Variants in POLD3 observed in about 807,000 individuals in gnomAD.
The protein encoded by POLD3 is DNA polymerase delta subunit 3.
A neutral mutation model predicts 58.2 loss-of-function variants in POLD3; 19 were observed. That is an observed-to-expected ratio of 0.33 (90% CI 0.23 to 0.48). The LOEUF (loss-of-function observed/expected upper bound fraction) is 0.48. Among genes scored for constraint, POLD3 ranks in the 20% least tolerant of loss-of-function variants. The pLI, the probability that POLD3 is intolerant of heterozygous loss-of-function variation, is 0.99. For synonymous variants in POLD3, 172 were observed against 193.5 expected (o/e 0.89, Z 0.92); for missense variants, 504 against 545.5 (o/e 0.92, Z 0.76).
At position 74,656,239 on chromosome 11, in the gene POLD3, T is replaced by A. The variant is rs7118314; in HGVS notation, c.370-12538T>A. ...TAGCTATAAAATTCCCTCTTAGTAC[T>A]GCTTTTGCTGTATCCCATAGGTTTT... On this transcript the variant is annotated intron_variant, in intron 4 of 4. Coordinates refer to the POLD3 transcript ENST00000524752. Among the ~76,000 whole-genome samples, 10 of 152,078 alleles carry A rather than the reference T, an allele frequency of 6.6e-5. 1 individual carries two copies. In the South Asian group the frequency reaches 8.3e-4, roughly 13 times the overall value.
chr11:74,609,475 A>G (rs2031832210), intron 3 of POLD3, among the ~76,000 whole-genome samples: 2 of 141,840 alleles, frequency 1.4e-5, no homozygotes, highest in African/African-American at 5.3e-5. Flanking sequence ...TCTGCCTCCC[A>G]GGTTTAAGCA....
downstream of POLD3, among the ~76,000 whole-genome samples, chr11:74,647,622 G>A (rs1339650680): frequency 2.6e-5 from 4 of 152,140 alleles, no homozygotes; most frequent in Non-Finnish European, 5.9e-5. Flanking sequence ...TTAAATGCTT[G>A]CTTATTTGCC....
chr11:74,656,394 C>G (rs904875529), intron 4 of POLD3, among the ~76,000 whole-genome samples: 3 of 152,262 alleles, frequency 2.0e-5, no homozygotes. Flanking sequence ...TGAGACCAGC[C>G]TGACCAAAAT....
Position 74,641,148 on chromosome 11 carries a change from T to G in POLD3, c.*382T>G, listed in dbSNP as rs527534580. ...CACAGGAATTATTCCTTCTTGTTCC[T>G]CTGTATTCTAAGAATTCATGTGGGT... is the stretch of plus-strand genomic sequence containing the variant. On this transcript the variant is annotated 3_prime_UTR_variant, in exon 12 of 12. Coordinates refer to ENST00000263681, the MANE Select transcript of POLD3 (RefSeq NM_006591.3). 1.0e-6 allele frequency: 1 copy of G among 991,526 alleles called. No homozygotes were observed. The highest frequency in any genetic ancestry group is 1.2e-6 in the Non-Finnish European group (1 of 834,136). The allele number at this position is 991,526 out of a possible 1,614,324, so 61.4% of individuals were successfully genotyped here.
intron 2 of POLD3, among the ~76,000 whole-genome samples, chr11:74,599,175 C>T (rs1179159618): frequency 6.6e-6 from 1 of 152,114 alleles, no homozygotes; most frequent in Non-Finnish European, 1.5e-5. Context: ...GCTGGGACCA[C>T]AGGTACATGC....
chr11:74,650,750 C>G (rs1416570852), intron 4 of POLD3, among the ~76,000 whole-genome samples: 2 of 152,248 alleles, frequency 1.3e-5, no homozygotes, highest in African/African-American at 4.8e-5. Flanking sequence ...CACACACTCT[C>G]TCTCTTTGGG....
intron 4 of POLD3, among the ~76,000 whole-genome samples, chr11:74,663,414 T>C (rs536646039): frequency 6.6e-6 from 1 of 152,346 alleles, no homozygotes; most frequent in African/African-American, 2.4e-5. Flanking sequence ...AAAGATGTAG[T>C]ATAAAGCAGT....
chr11:74,658,314 G>T (rs7106984), intron 4 of POLD3, among the ~76,000 whole-genome samples: 124,523 of 152,124 alleles, frequency 0.82, 51,144 homozygotes, highest in Middle Eastern at 0.94. Flanking sequence ...TACCTCCCCC[G>T]GGGTCCCTCC....
At chr11:74,636,003 C>A (rs139611880) in intron 10 of POLD3, among the ~76,000 whole-genome samples, 194 bp from the exon 11 acceptor site, 21 of 152,326 alleles carry the variant, frequency 1.4e-4, no homozygotes, top group African/African-American at 4.8e-4. Context: ...AATGAAGTAT[C>A]AAGCCTGTGT....
chr11:74,611,477 A>G (rs1323347387), intron 3 of POLD3, 22 bp from the exon 4 acceptor site: 2 of 1,458,720 alleles, frequency 1.4e-6, no homozygotes, highest in East Asian at 4.6e-5. Flanking sequence ...TTAAGCACTA[A>G]TAAAGTGTTA....
intron 4 of POLD3, among the ~76,000 whole-genome samples, chr11:74,660,875 G>A (rs1454651183): frequency 6.6e-6 from 1 of 151,624 alleles, no homozygotes; most frequent in Non-Finnish European, 1.5e-5. Flanking sequence ...GTTCTTTATA[G>A]CAATGTAAAA....
chr11:74,642,017 G>A lies in POLD3; in HGVS notation c.*1251G>A. 1 of 985,510 alleles carries A rather than the reference G, an allele frequency of 1.0e-6. No individual in the cohort carries two copies. The highest frequency in any genetic ancestry group is 1.2e-6 in the Non-Finnish European group (1 of 829,962). 61.0% of individuals were successfully genotyped at this position (985,510 alleles called of 1,614,324 possible). On this transcript the variant is annotated 3_prime_UTR_variant, in exon 12 of 12. Coordinates refer to ENST00000263681, the MANE Select transcript of POLD3 (RefSeq NM_006591.3). ...TGGTGTGCTGGTGATTTTGCACAGT[G>A]AGCTCTGCGGAAGGGGTCAGGCTCA...
At chr11:74,646,268 C>T (rs12280635), downstream of POLD3, among the ~76,000 whole-genome samples, 4,170 of 152,216 alleles carry the variant, frequency 0.027, 181 homozygotes, top group African/African-American at 0.097. Context: ...CCACCGCGCC[C>T]GGCCTGATTT....
intron 11 of POLD3, among the ~76,000 whole-genome samples, chr11:74,636,809 T>G (rs1159602975): frequency 3.9e-5 from 6 of 152,226 alleles, no homozygotes; most frequent in Non-Finnish European, 8.8e-5. Flanking sequence ...ATTGCTTCCT[T>G]TATGTTTCCT....
At chr11:74,617,542 C>T (rs1374536234) in intron 5 of POLD3, among the ~76,000 whole-genome samples, 2 of 151,914 alleles carry the variant, frequency 1.3e-5, no homozygotes, top group East Asian at 1.9e-4. Context: ...GCTGGGACTA[C>T]AGGCGCGTGC....
intron 5 of POLD3, among the ~76,000 whole-genome samples, chr11:74,614,846 G>A (rs1223653695): frequency 6.6e-6 from 1 of 152,134 alleles, no homozygotes; most frequent in Non-Finnish European, 1.5e-5. Flanking sequence ...TACTAAGAAG[G>A]GGAATATAAC....
intron 4 of POLD3, among the ~76,000 whole-genome samples, chr11:74,657,365 T>C (rs2033149538): frequency 6.6e-6 from 1 of 152,150 alleles, no homozygotes; most frequent in Admixed American, 6.5e-5. Flanking sequence ...TTCCTTTTAG[T>C]GAAGGTAATC....
intron 4 of POLD3, among the ~76,000 whole-genome samples, chr11:74,651,626 T>A (rs1477614937): frequency 6.6e-6 from 1 of 152,184 alleles, no homozygotes; most frequent in Non-Finnish European, 1.5e-5. Context: ...GATTTCTTGG[T>A]GAAAGTGACA....
At chr11:74,630,532 G>C (rs1222910513) in intron 9 of POLD3, among the ~76,000 whole-genome samples, 1 of 152,172 alleles carries the variant, frequency 6.6e-6, no homozygotes, top group Non-Finnish European at 1.5e-5. Flanking sequence ...GTGGGTTTTA[G>C]TGGCTCTTTA....
Sources: gnomAD v4.1 joint callset for allele counts (sites outside exome capture counted in the v4.1 genomes callset) on GRCh38, gnomAD v4.1.1 for gene constraint, MANE v1.5 for transcripts, NCBI Gene and HGNC (gene_info 2026-07-23, HGNC 2026-07-21) for gene names.